GIGYF2: variants seen among roughly 807,000 people sequenced by gnomAD.
GIGYF2 encodes the protein GRB10-interacting GYF protein 2.
Under a neutral mutation model 208.1 loss-of-function variants are expected in GIGYF2, and 25 were observed. The observed-to-expected ratio is 0.12, with a 90% CI of 0.09 to 0.17. The LOEUF is 0.17. Ranked by LOEUF, GIGYF2 falls within the 10% of genes least tolerant of loss-of-function variation. GIGYF2 has a pLI of 1.00. For missense variants in GIGYF2, 1,302 were observed against 1,579.4 expected, an observed-to-expected ratio of 0.82 and a Z score of 2.98; for synonymous variants, 534 against 543.8, an observed-to-expected ratio of 0.98 and a Z score of 0.25.
chr2:232,848,708 A>G (rs988858838), intron 27 of GIGYF2, among the ~76,000 whole-genome samples: 2 of 152,190 alleles, frequency 1.3e-5, no homozygotes, highest in East Asian at 1.9e-4. Flanking sequence ...AATAGACCAC[A>G]AAAAGGGCAC....
At chr2:232,741,051 T>C (rs1177730093) in intron 3 of GIGYF2, among the ~76,000 whole-genome samples, 1 of 152,212 alleles carries the variant, frequency 6.6e-6, no homozygotes, top group Non-Finnish European at 1.5e-5. Context: ...TAATTTCACT[T>C]TGTCATAATG....
At chr2:232,818,535 G>T (rs1446310) in intron 20 of GIGYF2, among the ~76,000 whole-genome samples, 1 of 151,988 alleles carries the variant, frequency 6.6e-6, no homozygotes, top group Non-Finnish European at 1.5e-5. Context: ...AGAGACTGTC[G>T]TTTCCCCCAT....
intron 2 of GIGYF2, among the ~76,000 whole-genome samples, chr2:232,710,287 C>G (rs1403295336): frequency 6.6e-6 from 1 of 151,934 alleles, no homozygotes; most frequent in African/African-American, 2.4e-5. Flanking sequence ...GGGGATCTCG[C>G]TATGTTACCT....
At chr2:232,817,555 A>G (rs1055094830) in intron 20 of GIGYF2, among the ~76,000 whole-genome samples, 1 of 152,216 alleles carries the variant, frequency 6.6e-6, no homozygotes, top group African/African-American at 2.4e-5. Flanking sequence ...CCCTCCATCC[A>G]TAGCTCCTAG....
intron 8 of GIGYF2, among the ~76,000 whole-genome samples, chr2:232,779,941 AT>A (rs1023535208): frequency 6.6e-6 from 1 of 151,526 alleles, no homozygotes; most frequent in Non-Finnish European, 1.5e-5. Context: ...TTGGTGTTAG[AT>A]TTTTTTTTGG....
rs377598360 is a variant in GIGYF2 at position 232,705,149 on chromosome 2, G to A, written c.-44+1660G>A. Among the ~76,000 whole-genome samples, 786 of 151,422 alleles carry A rather than the reference G, an allele frequency of 5.2e-3. 4 individuals carry two copies. The highest frequency in any genetic ancestry group is 0.018 in the African/African-American group (757 of 41,286). Reference sequence around the variant, plus strand: ...GCTGGGATTACAGGCGTGAGCCACCGCGCCCGGCCAACTTCTGGATATTTT... The same window carrying A: ...GCTGGGATTACAGGCGTGAGCCACCACGCCCGGCCAACTTCTGGATATTTT... On this transcript the variant is annotated intron_variant, in intron 2 of 28. Coordinates refer to ENST00000373563, the MANE Select transcript of GIGYF2 (RefSeq NM_001103146.3).
intron 20 of GIGYF2, among the ~76,000 whole-genome samples, chr2:232,819,577 C>T (rs1468020612): frequency 6.6e-6 from 1 of 152,090 alleles, no homozygotes; most frequent in Non-Finnish European, 1.5e-5. Context: ...ATATAGAAAC[C>T]AGGGTAGACT....
chr2:232,712,882 T>A (rs1369636625), intron 2 of GIGYF2, among the ~76,000 whole-genome samples: 1 of 152,154 alleles, frequency 6.6e-6, no homozygotes, highest in African/African-American at 2.4e-5. Context: ...TAGATATTAC[T>A]GAGTTTTTAG....
intron 20 of GIGYF2, among the ~76,000 whole-genome samples, chr2:232,819,140 C>T (rs1701000677): frequency 6.6e-6 from 1 of 151,958 alleles, no homozygotes; most frequent in Non-Finnish European, 1.5e-5. Flanking sequence ...CCAAGAGGTG[C>T]TCTTTGAAAA....
intron 14 of GIGYF2, among the ~76,000 whole-genome samples, chr2:232,805,631 T>A (rs1700539010): frequency 6.6e-6 from 1 of 152,210 alleles, no homozygotes; most frequent in Non-Finnish European, 1.5e-5. Flanking sequence ...GCTGGCTTCT[T>A]CATCTCCAAA....
intron 2 of GIGYF2, among the ~76,000 whole-genome samples, chr2:232,719,805 A>T (rs777457246): frequency 6.6e-6 from 1 of 152,226 alleles, no homozygotes; most frequent in Non-Finnish European, 1.5e-5. Flanking sequence ...AAGACAGCTT[A>T]TTGGTATTAT....
chr2:232,827,932 T>A (rs11901015), intron 21 of GIGYF2, among the ~76,000 whole-genome samples: 14,188 of 152,258 alleles, frequency 0.093, 907 homozygotes, highest in East Asian at 0.17. Context: ...CCACTTTGGC[T>A]TATGAGTTAT....
At position 232,711,705 on chromosome 2, in the gene GIGYF2, G is replaced by GTGTATATATATATATATATATATA. The variant is rs147184549; in HGVS notation, c.-44+8217_-44+8218insGTATATATATATATATATATATAT. On this transcript the variant is annotated intron_variant, in intron 2 of 28. Transcript: ENST00000373563. ...GAAGGAAAATTATCCTCACAATGAT[G>GTGTATATATATATATATATATATA]TATATATATATATATATATATAGTT... Among the ~76,000 whole-genome samples the GTGTATATATATATATATATATATA allele has an allele frequency of 1.5e-3, 179 of 115,732 alleles. 1 individual carries two copies. The highest frequency in any genetic ancestry group is 2.5e-3 in the South Asian group (6 of 2,420). The allele number at this position is 115,732 out of a possible 152,430, so 75.9% of individuals were successfully genotyped here.
In GIGYF2 at chr2:232,839,886, C is replaced by G; in HGVS notation, c.2804C>G (p.Thr935Arg). 6.2e-7 allele frequency: 1 copy of G among 1,613,952 alleles called. No homozygotes were observed. The highest frequency in any genetic ancestry group is 8.5e-7 in the Non-Finnish European group (1 of 1,179,830). Residue 935 changes from threonine to arginine, a missense_variant, in exon 23 of 29, where the codon ACA becomes AGA. Physicochemically the swap from Thr to Arg is moderately conservative, Grantham distance 71. Coordinates refer to ENST00000373563, the MANE Select transcript of GIGYF2 (RefSeq NM_001103146.3). ...SSSTWGQQSN[T>R]TACQSQATLS... is the part of the protein sequence containing the mutation. The stretch of plus-strand genomic sequence containing the variant: ...TCAACGTGGGGCCAGCAGTCCAATA[C>G]AACAGCATGTCAGTCCCAGGCCACG...
At chr2:232,735,832 C>T (rs1011546198) in intron 3 of GIGYF2, 14 of 985,032 alleles carry the variant, frequency 1.4e-5, no homozygotes, top group African/African-American at 3.5e-5. Context: ...TGTGGCTTCC[C>T]CCCCTCCCCT....
At chr2:232,727,415 C>T (rs1697249130) in intron 2 of GIGYF2, among the ~76,000 whole-genome samples, 1 of 152,154 alleles carries the variant, frequency 6.6e-6, no homozygotes, top group African/African-American at 2.4e-5. Flanking sequence ...ATCCCCTTTC[C>T]CCACCACATA....
At chr2:232,773,910 T>TAAA (rs61323973) in intron 8 of GIGYF2, among the ~76,000 whole-genome samples, 4 of 112,802 alleles carry the variant, frequency 3.5e-5, no homozygotes, top group South Asian at 5.9e-4. Flanking sequence ...TGTCTCTATT[T>TAAA]AAAAAAAAAA....
chr2:232,785,803 T>C (rs1699890800), intron 8 of GIGYF2, among the ~76,000 whole-genome samples: 1 of 152,254 alleles, frequency 6.6e-6, no homozygotes, highest in Non-Finnish European at 1.5e-5. Flanking sequence ...AGATGGAATA[T>C]AACAGAATGA....
At chr2:232,821,873 T>C (rs1307732241) in intron 21 of GIGYF2, among the ~76,000 whole-genome samples, 6 of 152,162 alleles carry the variant, frequency 3.9e-5, no homozygotes, top group African/African-American at 1.2e-4. Context: ...CCAGTGCCTG[T>C]TTTTGCAAAG....
Sources: gnomAD v4.1 joint callset for allele counts (sites outside exome capture counted in the v4.1 genomes callset) on GRCh38, gnomAD v4.1.1 for gene constraint, MANE v1.5 for transcripts, NCBI Gene and HGNC (gene_info 2026-07-23, HGNC 2026-07-21) for gene names.